Variants in RHBDF1 observed in about 807,000 individuals in gnomAD.
RHBDF1 encodes the protein rhomboid 5 homolog 1.
In RHBDF1, 80 loss-of-function variants were observed where a neutral mutation model predicts 98.6. The observed-to-expected ratio is 0.81, with a 90% CI of 0.68 to 0.98. The LOEUF (loss-of-function observed/expected upper bound fraction) is 0.98, where lower values mean the gene tolerates loss of function less well. Among genes scored for constraint, RHBDF1 ranks in the 50% least tolerant of loss-of-function variants. The pLI, the probability that RHBDF1 is intolerant of heterozygous loss-of-function variation, is 0.00. For synonymous variants in RHBDF1, 512 were observed against 486.8 expected (o/e 1.05, Z -0.68); for missense variants, 1,116 against 1,198.3 (o/e 0.93, Z 1.01).
intron 1 of RHBDF1, among the ~76,000 whole-genome samples, 164 bp from the exon 2 acceptor site, chr16:65,203 C>G (rs1442316272): frequency 6.6e-6 from 1 of 152,236 alleles, no homozygotes; most frequent in African/African-American, 2.4e-5. Flanking sequence ...TTCTCTGTGC[C>G]TGCCTTGTTC....
In RHBDF1 at chr16:59,428, G is replaced by A. The variant is rs759325522; in HGVS notation, c.1884C>T (p.Leu628=). 1.9e-6 allele frequency: 3 copies of A among 1,613,872 alleles called. No individual in the cohort carries two copies. Among genetic ancestry groups the A allele is most frequent in the Non-Finnish European group, 2.5e-6 (3 of 1,179,972 alleles). The change falls in exon 15 of 18, where the codon CTC becomes CTT. Residue 628 remains leucine (L), a synonymous_variant. Coordinates refer to ENST00000262316, the MANE Select transcript of RHBDF1 (RefSeq NM_022450.5). ...MRGYFHEEAT[L]CSQVHCMDDV... Reference sequence around the variant, plus strand: ...CACTCTGCAGACCTACCTGAGAGCAGAGCGTGGCCTCCTCATGGAAGTAGC... The same window carrying A: ...CACTCTGCAGACCTACCTGAGAGCAAAGCGTGGCCTCCTCATGGAAGTAGC...
chr16:75,291 C>T (rs1334413765), upstream of RHBDF1, among the ~76,000 whole-genome samples: 1 of 152,172 alleles, frequency 6.6e-6, no homozygotes, highest in Non-Finnish European at 1.5e-5. Flanking sequence ...GCCCTCACAC[C>T]AGGACACGAG....
intron 1 of RHBDF1, among the ~76,000 whole-genome samples, chr16:65,961 G>T (rs1357320233): frequency 1.3e-5 from 2 of 152,252 alleles, no homozygotes; most frequent in African/African-American, 4.8e-5. Context: ...GGGCCCCACG[G>T]AAGGCCCCAG....
chr16:72,248 C>G (rs1023356164), intron 1 of RHBDF1, among the ~76,000 whole-genome samples: 1 of 152,170 alleles, frequency 6.6e-6, no homozygotes, highest in Admixed American at 6.5e-5. Context: ...AATCCGGCCA[C>G]GGGCTATTTT....
At chr16:75,698 C>T (rs1221727364), upstream of RHBDF1, among the ~76,000 whole-genome samples, 1 of 152,190 alleles carries the variant, frequency 6.6e-6, no homozygotes, top group Non-Finnish European at 1.5e-5. Context: ...CTCGGCCTGC[C>T]CAGTGGCTGC....
At position 62,988 on chromosome 16, in the gene RHBDF1, G is replaced by A. The variant is rs375429801; in HGVS notation, c.657C>T (p.Ala219=). 3.9e-5 allele frequency: 63 copies of A among 1,611,996 alleles called. No individual in the cohort carries two copies. The highest frequency in any genetic ancestry group is 1.6e-4 in the Middle Eastern group (1 of 6,080). The change falls in exon 5 of 18, where the codon GCC becomes GCT. Residue 219 remains alanine (A), a synonymous_variant. Transcript: ENST00000262316. ...CTGCACCCACTTTCATCAGCGCTGCGGCCGCCCGGAAGCTCATCTTGGCCA... is the reference window on the plus strand; with the variant it reads ...CTGCACCCACTTTCATCAGCGCTGCAGCCGCCCGGAAGCTCATCTTGGCCA... ...ESVAKMSFRA[A]AALMKGRSVR...
At chr16:60,644 T>A in intron 11 of RHBDF1, 105 bp from the exon 12 acceptor site, 1 of 742,340 alleles carries the variant, frequency 1.3e-6, no homozygotes, top group Non-Finnish European at 2.3e-6. Flanking sequence ...TCCCTCCGCT[T>A]CTACAAGTCA....
At chr16:65,888 C>T (rs1183168912) in intron 1 of RHBDF1, among the ~76,000 whole-genome samples, 2 of 152,242 alleles carry the variant, frequency 1.3e-5, no homozygotes, top group African/African-American at 2.4e-5. Flanking sequence ...TGAGGCGGCT[C>T]GGTGCCGGGG....
intron 1 of RHBDF1, among the ~76,000 whole-genome samples, chr16:69,321 G>A (rs569969366): frequency 6.6e-6 from 1 of 152,240 alleles, no homozygotes; most frequent in African/African-American, 2.4e-5. Context: ...ATGCTGGCAG[G>A]GACAACTGGC....
chr16:60,999 G>C (rs1017117237), intron 11 of RHBDF1, 121 bp downstream of exon 11: 5 of 1,108,404 alleles, frequency 4.5e-6, no homozygotes, highest in Non-Finnish European at 6.3e-6. Context: ...AAGGCCTTGC[G>C]CGTAAGGACG....
At chr16:73,622 G>T (rs1366759990), upstream of RHBDF1, among the ~76,000 whole-genome samples, 2 of 152,224 alleles carry the variant, frequency 1.3e-5, no homozygotes, top group Non-Finnish European at 2.9e-5. Flanking sequence ...CTGTCCAGGA[G>T]CTCTGAGTGG....
rs368291545 is a variant in RHBDF1, at chr16:61,606, C to A, written c.1299G>T (p.Ser433=). 3.1e-6 allele frequency: 5 copies of A among 1,613,356 alleles called. No homozygotes were observed. The highest frequency in any genetic ancestry group is 4.2e-6 in the Non-Finnish European group (5 of 1,179,906). The stretch of plus-strand genomic sequence containing the variant: ...TCACCGAGTCCACCGTCTCATGCTG[C>A]GAGAAGCCCACGGGCGCGATGCCAT... ...CIYGIAPVGF[S]QHETVDSVLR... The change falls in exon 9 of 18, where the codon TCG becomes TCT. Residue 433 remains serine (S), a synonymous_variant. Transcript: ENST00000262316.
intron 3 of RHBDF1, 101 bp from the exon 4 acceptor site, chr16:63,901 T>G: frequency 6.9e-6 from 7 of 1,010,034 alleles, no homozygotes; most frequent in Non-Finnish European, 9.2e-6. Context: ...CCCAGGCCTG[T>G]AGTCACTCCA....
At chr16:63,247 G>A (rs1004844919) in intron 4 of RHBDF1, 65 bp from the exon 5 acceptor site, 51 of 1,375,344 alleles carry the variant, frequency 3.7e-5, no homozygotes, top group Middle Eastern at 2.5e-4. Context: ...CAGAGGCACA[G>A]AGGCCTTGCA....
chr16:67,238 CA>C (rs1254686354), intron 1 of RHBDF1, among the ~76,000 whole-genome samples: 1 of 152,230 alleles, frequency 6.6e-6, no homozygotes, highest in East Asian at 1.9e-4. Flanking sequence ...GCTGGGACAG[CA>C]TTCTGAGTAC....
Position 59,741 on chromosome 16 carries a change from G to A in RHBDF1, c.1808C>T (p.Thr603Ile). Residue 603 changes from threonine to isoleucine, a missense_variant, in exon 14 of 18, where the codon ACC becomes ATC. Thr to Ile is a moderately conservative substitution (Grantham distance 89, BLOSUM62 -1). Coordinates refer to ENST00000262316, the MANE Select transcript of RHBDF1 (RefSeq NM_022450.5). ...TGGCACGCACACGTACCTGCCCTTG[G>A]TGCCAATGCAGCAGGGCCGTCCTGT... is the stretch of plus-strand genomic sequence containing the variant. ...VITGRPCCIG[T>I]KGRCEITSRE... 1.2e-6 allele frequency: 2 copies of A among 1,614,060 alleles called. No individual in the cohort carries two copies. Among genetic ancestry groups the A allele is most frequent in the South Asian group, 1.1e-5 (1 of 91,092 alleles).
intron 3 of RHBDF1, chr16:64,183 T>A: frequency 2.6e-6 from 3 of 1,166,460 alleles, no homozygotes; most frequent in South Asian, 2.7e-5. Flanking sequence ...AGGCAGGCTG[T>A]CCACAGCACT....
chr16:59,530 T>A, intron 14 of RHBDF1, 36 bp from the exon 15 acceptor site: 1 of 1,595,670 alleles, frequency 6.3e-7, no homozygotes, highest in Non-Finnish European at 8.6e-7. Flanking sequence ...GACTGCTGCC[T>A]TGCAGAGGGG....
chr16:63,293 G>A (rs979455143), intron 4 of RHBDF1, 111 bp from the exon 5 acceptor site: 3 of 931,194 alleles, frequency 3.2e-6, no homozygotes, highest in Non-Finnish European at 4.7e-6. Flanking sequence ...CTCCTCACGG[G>A]CCCCTGGACA....
Sources: allele counts gnomAD v4.1 joint callset (sites outside exome capture counted in the v4.1 genomes callset), GRCh38; gene constraint gnomAD v4.1.1; transcripts MANE v1.5; gene names NCBI Gene and HGNC (gene_info 2026-07-23, HGNC 2026-07-21).